The following WDR33 variants were observed in gnomAD, a reference collection of about 807,000 sequenced individuals.
WDR33 encodes the protein pre-mRNA 3' end processing protein WDR33.
WDR33 carries 47 observed loss-of-function variants against 164.9 expected under a neutral mutation model. That is an observed-to-expected ratio of 0.29 (90% CI 0.23 to 0.36). WDR33 has a LOEUF of 0.36. Ranked by LOEUF, WDR33 falls within the 10% of genes least tolerant of loss-of-function variation. The pLI is 1.00. For missense variants in WDR33, 1,137 were observed against 1,754.1 expected (o/e 0.65, Z 6.28); for synonymous variants, 505 against 589.0 (o/e 0.86, Z 2.06).
rs1393092358 is a variant in WDR33 at position 127,721,952 on chromosome 2, T to C, written c.1555A>G (p.Asn519Asp). The C allele has an allele frequency of 1.2e-6, 2 of 1,613,392 alleles. No homozygotes were observed. The highest frequency in any genetic ancestry group is 1.7e-6 in the Non-Finnish European group (2 of 1,179,894). Residue 519 changes from asparagine (N) to aspartate (D), a missense_variant, in exon 15 of 22, where the codon AAT becomes GAT. By Grantham distance (23) the Asn-to-Asp change is conservative. This residue lies in a region of WDR33 where 75 missense variants were observed against 124.7 expected (regional missense o/e 0.60). Coordinates refer to ENST00000322313, the MANE Select transcript of WDR33 (RefSeq NM_018383.5). The surrounding 1 kb of genome is among the most constrained non-coding windows in gnomAD (Gnocchi z 4.9). ...TCTTTTCTGTCATTCAGCACCTCAT[T>C]TGGAGCAGGAATTGGAACTTTATTT... ...MQNKVPIPAPNEVLNDRKEDI... is the reference protein window; with the variant it reads ...MQNKVPIPAPDEVLNDRKEDI...
chr2:127,748,126 C>T (rs570060237), intron 7 of WDR33, among the ~76,000 whole-genome samples: 2 of 152,322 alleles, frequency 1.3e-5, no homozygotes, highest in South Asian at 4.1e-4. Context: ...TGTTGATACC[C>T]AATCATAGAA....
At chr2:127,757,293 A>G (rs565240850) in intron 7 of WDR33, among the ~76,000 whole-genome samples, 2 of 152,318 alleles carry the variant, frequency 1.3e-5, no homozygotes, top group East Asian at 3.9e-4. Context: ...TAAAAATTTT[A>G]AACAATTCCT....
rs1156540263 is a variant in WDR33, at chr2:127,725,134, G to A, written c.933C>T (p.Leu311=). 1 of 1,613,996 alleles carries A rather than the reference G, an allele frequency of 6.2e-7. No individual in the cohort carries two copies. The highest frequency in any genetic ancestry group is 8.5e-7 in the Non-Finnish European group (1 of 1,180,008). The change falls in exon 9 of 22, where the codon CTC becomes CTT. Residue 311 remains leucine, a synonymous_variant. Transcript: ENST00000322313. Reference sequence around the variant, plus strand: ...GGTTTCTGATATCAAAAAGTTTACAGAGATGATCACGTGATGCTGTGAGTA... The same window carrying A: ...GGTTTCTGATATCAAAAAGTTTACAAAGATGATCACGTGATGCTGTGAGTA... ...NWLLTASRDH[L]CKLFDIRNLK...
Position 127,776,024 on chromosome 2 carries a change from C to A in WDR33, c.-23-5020G>T, listed in dbSNP as rs143065352. 6.6e-5 allele frequency among the ~76,000 whole-genome samples: 10 copies of A among 152,342 alleles called. No homozygotes were observed. The East Asian group carries it at 1.9e-3, about 29-fold the overall frequency. On this transcript the variant is annotated intron_variant, in intron 1 of 21. Coordinates refer to ENST00000322313, the MANE Select transcript of WDR33 (RefSeq NM_018383.5). ...CTATAAAGTTACTTGGCCAAAATCA[C>A]AACAGTCTTGGCCGCTGTTAGGGGC...
rs1201599184 is a variant in WDR33, at chr2:127,720,681, C to T, written c.1672-328G>A. Reference sequence around the variant, plus strand: ...CTGGGCTCAAGTGATCCTCCCACCTCGGCCTCCGGAGTAGCTGGGACTACA... The same window carrying T: ...CTGGGCTCAAGTGATCCTCCCACCTTGGCCTCCGGAGTAGCTGGGACTACA... On this transcript the variant is annotated intron_variant, in intron 15 of 21. Coordinates refer to ENST00000322313, the MANE Select transcript of WDR33 (RefSeq NM_018383.5). This position sits in a 1 kb window ranked among gnomAD's most constrained non-coding sequence, Gnocchi z 5.9. Among the ~76,000 whole-genome samples, 3 of 152,106 alleles carry T rather than the reference C, an allele frequency of 2.0e-5. No homozygotes were observed. The highest frequency in any genetic ancestry group is 7.2e-5 in the African/African-American group (3 of 41,402).
Position 127,708,547 on chromosome 2 carries a change from G to A in WDR33, c.3781+130C>T, listed in dbSNP as rs1308533563. ...AGTCCACCAGATGACAGCTCGTGTG[G>A]CACTGGCACCACATTTAGGAGCATG... On this transcript the variant is annotated intron_variant, in intron 21 of 21. Coordinates refer to ENST00000322313, the MANE Select transcript of WDR33 (RefSeq NM_018383.5). The surrounding 1 kb of genome is among the most constrained non-coding windows in gnomAD (Gnocchi z 6.7). The A allele has an allele frequency of 2.0e-6, 2 of 1,020,974 alleles. No individual in the cohort carries two copies. Among genetic ancestry groups the A allele is most frequent in the South Asian group, 1.8e-5 (1 of 56,018 alleles). The allele number at this position is 1,020,974 out of a possible 1,614,324, so 63.2% of individuals were successfully genotyped here.
rs1481735313 is a variant in WDR33 at position 127,722,341 on chromosome 2, C to T, written c.1518+250G>A. Among the ~76,000 whole-genome samples the T allele has an allele frequency of 6.6e-6, 1 of 152,224 alleles. No individual in the cohort carries two copies. Among genetic ancestry groups the T allele is most frequent in the East Asian group, 1.9e-4 (1 of 5,196 alleles). ...ACATACTCCCATACTCCCTCTGCTC[C>T]ATGCCTCTTTCTTCTATTTCCTCTC... On this transcript the variant is annotated intron_variant, in intron 14 of 21. Transcript: ENST00000322313. The surrounding 1 kb of genome is among the most constrained non-coding windows in gnomAD (Gnocchi z 5.1).
intron 1 of WDR33, among the ~76,000 whole-genome samples, chr2:127,805,629 G>C (rs940993133): frequency 6.6e-5 from 10 of 152,080 alleles, no homozygotes; most frequent in Admixed American, 5.9e-4. Flanking sequence ...CTCAAAGGTG[G>C]CAAGAAGAAC....
Position 127,719,413 on chromosome 2 carries a change from G to A in WDR33, c.2612C>T (p.Pro871Leu). 6.5e-7 allele frequency: 1 copy of A among 1,536,244 alleles called. No homozygotes were observed. Among genetic ancestry groups the A allele is most frequent in the African/African-American group, 1.4e-5 (1 of 72,256 alleles). ...QQGPPQGSLG[P>L]PPQGGMQGPP... ...TCCTTGCATGCCACCCTGGGGTGGAGGTCCTAAAGAGCCCTGGGGCGGCCC... is the reference window on the plus strand; with the variant it reads ...TCCTTGCATGCCACCCTGGGGTGGAAGTCCTAAAGAGCCCTGGGGCGGCCC... Residue 871 changes from proline to leucine, a missense_variant, in exon 16 of 22, where the codon CCT becomes CTT. Physicochemically the swap from Pro to Leu is moderately conservative, Grantham distance 98. Coordinates refer to ENST00000322313, the MANE Select transcript of WDR33 (RefSeq NM_018383.5). The surrounding 1 kb of genome is among the most constrained non-coding windows in gnomAD (Gnocchi z 6.5).
At chr2:127,780,617 A>G (rs1688338975) in intron 1 of WDR33, among the ~76,000 whole-genome samples, 1 of 152,160 alleles carries the variant, frequency 6.6e-6, no homozygotes, top group Non-Finnish European at 1.5e-5. Flanking sequence ...TAACCCCAGC[A>G]TTTTGGGTGG....
At position 127,763,353 on chromosome 2, in the gene WDR33, GTTGT is replaced by G. The variant is rs1687733780; in HGVS notation, c.627-198_627-195del. 11 of 1,401,308 alleles carry G rather than the reference GTTGT, an allele frequency of 7.8e-6. No homozygotes were observed. The highest frequency in any genetic ancestry group is 2.7e-5 in the East Asian group (1 of 37,496). The allele number at this position is 1,401,308 out of a possible 1,614,324, so 86.8% of individuals were successfully genotyped here. ...ATCAAAAGAAGACTTCAACAGAGCA[GTTGT>G]TTGAGTTTTCAATCATCAGTATTCT... On this transcript the variant is annotated intron_variant, in intron 6 of 21. Transcript: ENST00000322313. This position sits in a 1 kb window ranked among gnomAD's most constrained non-coding sequence, Gnocchi z 4.5.
At chr2:127,737,488 T>C in intron 7 of WDR33, 1 of 986,356 alleles carries the variant, frequency 1.0e-6, no homozygotes, top group African/African-American at 1.7e-5. Context: ...TAGTCATCAC[T>C]TGAAAAGCTA....
chr2:127,788,317 C>A (rs1461752063), intron 1 of WDR33, among the ~76,000 whole-genome samples: 2 of 122,366 alleles, frequency 1.6e-5, no homozygotes, highest in Non-Finnish European at 3.5e-5. Context: ...ACCTCCCTCC[C>A]GGACGGGGCG....
chr2:127,807,350 T>C (rs1689476883), intron 1 of WDR33, among the ~76,000 whole-genome samples: 1 of 152,152 alleles, frequency 6.6e-6, no homozygotes, highest in African/African-American at 2.4e-5. Context: ...ATATTCCATA[T>C]ACCAAAAAAG....
intron 7 of WDR33, among the ~76,000 whole-genome samples, chr2:127,750,414 A>C (rs568744462): frequency 1.3e-3 from 203 of 151,724 alleles, no homozygotes; most frequent in African/African-American, 4.5e-3. Flanking sequence ...TGGGAGACTG[A>C]GGCAGATGAA....
At chr2:127,707,190 T>A (rs944209260) in intron 21 of WDR33, among the ~76,000 whole-genome samples, 3 of 149,070 alleles carry the variant, frequency 2.0e-5, no homozygotes, top group Non-Finnish European at 4.4e-5. Context: ...TTAGGTACTA[T>A]TAAAATTCTT....
intron 1 of WDR33, among the ~76,000 whole-genome samples, chr2:127,792,245 G>A (rs1473100887): frequency 6.6e-6 from 1 of 151,898 alleles, no homozygotes; most frequent in Non-Finnish European, 1.5e-5. Flanking sequence ...AGCCATCTTA[G>A]TATCTTAGCA....
At position 127,702,284 on chromosome 2, in the gene WDR33, G is replaced by T. The variant is rs1007788645; in HGVS notation, c.*4039C>A. Reference sequence around the variant, plus strand: ...CGCTGTGCGGAAGCCCGTGGCGAAGGCCCTGCCCTAACAGCCTGCGAGTCT... The same window carrying T: ...CGCTGTGCGGAAGCCCGTGGCGAAGTCCCTGCCCTAACAGCCTGCGAGTCT... On this transcript the variant is annotated 3_prime_UTR_variant, in exon 22 of 22. Transcript: ENST00000322313. 8.3e-6 allele frequency: 9 copies of T among 1,084,230 alleles called. No homozygotes were observed. In the African/African-American group the frequency reaches 1.3e-4, roughly 16 times the overall value. The allele number at this position is 1,084,230 out of a possible 1,614,324, so 67.2% of individuals were successfully genotyped here.
chr2:127,780,756 G>A (rs1201748051), intron 1 of WDR33, among the ~76,000 whole-genome samples: 1 of 152,176 alleles, frequency 6.6e-6, no homozygotes, highest in Non-Finnish European at 1.5e-5. Flanking sequence ...AGGATCCCTT[G>A]AGCCCAGGAG....
Sources: gnomAD v4.1 joint callset for allele counts (sites outside exome capture counted in the v4.1 genomes callset) on GRCh38, gnomAD v4.1.1 for gene constraint, gnomAD v4.1.1 regional missense constraint, Gnocchi (gnomAD v3.1) non-coding constraint, MANE v1.5 for transcripts, NCBI Gene and HGNC (gene_info 2026-07-23, HGNC 2026-07-21) for gene names.